GAP43: variants seen among roughly 807,000 people sequenced by gnomAD.
The protein encoded by GAP43 is neuromodulin.
Under a neutral mutation model 18.6 loss-of-function variants are expected in GAP43, and 6 were observed. The observed-to-expected ratio is 0.32, with a 90% CI of 0.18 to 0.64. GAP43 has a LOEUF of 0.64. GAP43 is among the 30% of genes least tolerant of loss of function. The pLI is 0.78. For synonymous variants in GAP43, 115 were observed against 111.4 expected, an observed-to-expected ratio of 1.03 and a Z score of -0.20; for missense variants, 292 against 295.5, an observed-to-expected ratio of 0.99 and a Z score of 0.09.
chr3:115,703,457 A>G (rs2107369610), intron 2 of GAP43, among the ~76,000 whole-genome samples: 1 of 152,218 alleles, frequency 6.6e-6, no homozygotes, highest in East Asian at 1.9e-4. Context: ...AATAATTTAC[A>G]GAAGAGCTGG....
At chr3:115,716,738 A>ATG (rs1709509948) in intron 2 of GAP43, among the ~76,000 whole-genome samples, 3 of 112,678 alleles carry the variant, frequency 2.7e-5, no homozygotes, top group African/African-American at 1.1e-4. Context: ...ATATATATAT[A>ATG]TATATATATA....
intron 1 of GAP43, among the ~76,000 whole-genome samples, chr3:115,657,071 A>G (rs1048662680): frequency 3.3e-5 from 5 of 152,214 alleles, no homozygotes; most frequent in African/African-American, 1.2e-4. Context: ...TGTATTAGTT[A>G]CTTCTGTGTC....
chr3:115,668,390 G>T (rs901079790), intron 1 of GAP43, among the ~76,000 whole-genome samples: 2 of 152,118 alleles, frequency 1.3e-5, no homozygotes, highest in Non-Finnish European at 2.9e-5. Context: ...AGGGAGCAGA[G>T]ATTCTCCAGC....
chr3:115,625,478 C>T (rs1460696097), intron 1 of GAP43, among the ~76,000 whole-genome samples: 1 of 152,106 alleles, frequency 6.6e-6, no homozygotes, highest in Non-Finnish European at 1.5e-5. Context: ...GAGGTTATTT[C>T]ACTGGTGAGC....
intron 2 of GAP43, among the ~76,000 whole-genome samples, chr3:115,696,925 T>G (rs942981933): frequency 6.6e-6 from 1 of 152,006 alleles, no homozygotes. Flanking sequence ...CTCCACCTCC[T>G]GGGTTCAAGT....
At chr3:115,691,130 G>A (rs1390515411) in intron 2 of GAP43, among the ~76,000 whole-genome samples, 1 of 152,146 alleles carries the variant, frequency 6.6e-6, no homozygotes. Context: ...TAAAATAGTG[G>A]AAGAAATTAC....
chr3:115,665,436 A>G (rs949911206), intron 1 of GAP43, among the ~76,000 whole-genome samples: 2 of 152,066 alleles, frequency 1.3e-5, no homozygotes, highest in African/African-American at 4.8e-5. Flanking sequence ...TAAGTTTAAG[A>G]CCCATTCTAC....
intron 1 of GAP43, among the ~76,000 whole-genome samples, chr3:115,664,069 T>C (rs2107482548): frequency 6.8e-6 from 1 of 147,742 alleles, no homozygotes; most frequent in Non-Finnish European, 1.5e-5. Context: ...TAGTACCCAT[T>C]GCATAGTTTT....
At chr3:115,696,585 C>CT (rs1553724431) in intron 2 of GAP43, among the ~76,000 whole-genome samples, 2 of 126,210 alleles carry the variant, frequency 1.6e-5, no homozygotes, top group Non-Finnish European at 3.3e-5. Flanking sequence ...ACCGCCCCCC[C>CT]CCCCCACAAA....
chr3:115,655,150 G>A (rs1361553386), intron 1 of GAP43, among the ~76,000 whole-genome samples: 1 of 152,130 alleles, frequency 6.6e-6, no homozygotes, highest in African/African-American at 2.4e-5. Flanking sequence ...TGTAACTTAG[G>A]TATAGACTAA....
intron 2 of GAP43, among the ~76,000 whole-genome samples, chr3:115,712,045 A>ATGAT (rs1241879594): frequency 2.0e-5 from 3 of 152,082 alleles, no homozygotes; most frequent in African/African-American, 7.2e-5. Context: ...CTAATTTTTG[A>ATGAT]TGATTTGATA....
At chr3:115,707,371 C>G (rs1479032710) in intron 2 of GAP43, among the ~76,000 whole-genome samples, 8 of 152,112 alleles carry the variant, frequency 5.3e-5, no homozygotes, top group Non-Finnish European at 1.2e-4. Context: ...CTCACTGCAG[C>G]CTTGACCTCC....
intron 2 of GAP43, among the ~76,000 whole-genome samples, chr3:115,694,158 A>AAC (rs1296991021): frequency 6.6e-6 from 1 of 152,138 alleles, no homozygotes; most frequent in Admixed American, 6.6e-5. Context: ...CGTCTCTTGA[A>AAC]ACCCTGAGTG....
chr3:115,640,434 A>G (rs754814417), intron 1 of GAP43, among the ~76,000 whole-genome samples: 24 of 151,998 alleles, frequency 1.6e-4, no homozygotes, highest in Non-Finnish European at 2.9e-4. Flanking sequence ...CTAGAAGATA[A>G]TTCATTTGCT....
intron 2 of GAP43, among the ~76,000 whole-genome samples, chr3:115,711,224 G>A (rs748276667): frequency 1.3e-4 from 20 of 152,020 alleles, no homozygotes; most frequent in African/African-American, 3.4e-4. Context: ...AATTCTTCAC[G>A]GTCATATGTG....
At chr3:115,690,733 T>C (rs1241089336) in intron 2 of GAP43, among the ~76,000 whole-genome samples, 1 of 149,246 alleles carries the variant, frequency 6.7e-6, no homozygotes, top group Non-Finnish European at 1.5e-5. Context: ...TCTGGGCAAA[T>C]CTTTTTTTTT....
chr3:115,672,494 A>T (rs962603995), intron 1 of GAP43, among the ~76,000 whole-genome samples: 4 of 152,220 alleles, frequency 2.6e-5, no homozygotes, highest in African/African-American at 9.6e-5. Flanking sequence ...CTGTGAAAAG[A>T]ATTTTACCAA....
intron 2 of GAP43, among the ~76,000 whole-genome samples, chr3:115,684,403 T>C (rs188315167): frequency 9.8e-5 from 15 of 152,312 alleles, no homozygotes; most frequent in African/African-American, 2.9e-4. Context: ...CCCTGGTGTA[T>C]GACAAAGTGA....
chr3:115,699,582 G>A (rs1709271210), intron 2 of GAP43, among the ~76,000 whole-genome samples: 1 of 152,078 alleles, frequency 6.6e-6, no homozygotes, highest in Admixed American at 6.6e-5. Flanking sequence ...ATTTACAGCA[G>A]GCATTAATAC....
Sources: allele counts gnomAD v4.1 joint callset (sites outside exome capture counted in the v4.1 genomes callset), GRCh38; gene constraint gnomAD v4.1.1; transcripts MANE v1.5; gene names NCBI Gene and HGNC (gene_info 2026-07-23, HGNC 2026-07-21).